The following TMEM53 variants were observed in gnomAD, a reference collection of about 807,000 sequenced individuals.
TMEM53 encodes transmembrane protein 53.
Under a neutral mutation model 21.4 loss-of-function variants are expected in TMEM53, and 14 were observed. The observed-to-expected ratio is 0.65, with a 90% CI of 0.43 to 1.02. The LOEUF (loss-of-function observed/expected upper bound fraction) is 1.02, where lower values mean the gene tolerates loss of function less well. TMEM53 is among the 50% of genes least tolerant of loss of function. The pLI is 0.00. For synonymous variants in TMEM53, 148 were observed against 157.4 expected (o/e 0.94, Z 0.45); for missense variants, 323 against 383.6 (o/e 0.84, Z 1.32).
At chr1:44,656,540 A>G (rs768515678) in intron 2 of TMEM53, among the ~76,000 whole-genome samples, 1 of 152,078 alleles carries the variant, frequency 6.6e-6, no homozygotes, top group Non-Finnish European at 1.5e-5. Context: ...CATTCTCCCA[A>G]ATGCTCAAAT....
intron 1 of TMEM53, among the ~76,000 whole-genome samples, chr1:44,667,880 C>G (rs1049943172): frequency 6.6e-6 from 1 of 152,114 alleles, no homozygotes; most frequent in African/African-American, 2.4e-5. Flanking sequence ...TTCTCGAGTA[C>G]CCCACAAAGC....
rs532240508 is a variant in TMEM53, at chr1:44,663,194, C to A, written c.62-2899G>T. 8.5e-5 allele frequency among the ~76,000 whole-genome samples: 13 copies of A among 152,344 alleles called. No individual in the cohort carries two copies. In the East Asian group the frequency reaches 2.1e-3, roughly 25 times the overall value. ...TCTGACTTCTGAGTAGTTGGGACCACAGGCACGTGCCACCATGGCCCGGCT... is the reference window on the plus strand; with the variant it reads ...TCTGACTTCTGAGTAGTTGGGACCAAAGGCACGTGCCACCATGGCCCGGCT... On this transcript the variant is annotated intron_variant, in intron 1 of 2. Transcript: ENST00000372237.
Position 44,660,515 on chromosome 1 carries a change from GC to G in TMEM53, c.62-221del, listed in dbSNP as rs1266644624. On this transcript the variant is annotated intron_variant, in intron 1 of 2. Transcript: ENST00000372237. ...GGTCACCGGACAAACCAACACAAGG[GC>G]ACCTTTCTTTAGAGACTCGAAGACA... Among the ~76,000 whole-genome samples the G allele has an allele frequency of 2.6e-5, 4 of 152,302 alleles. No homozygotes were observed. In the East Asian group the frequency reaches 7.7e-4, roughly 29 times the overall value.
intron 1 of TMEM53, among the ~76,000 whole-genome samples, chr1:44,665,612 G>A (rs1234760982): frequency 6.8e-6 from 1 of 147,774 alleles, no homozygotes; most frequent in African/African-American, 2.5e-5. Flanking sequence ...TCCAGCCAGG[G>A]CAACAAGAGC....
chr1:44,671,648 G>C (rs970417482), intron 1 of TMEM53, among the ~76,000 whole-genome samples: 2 of 152,212 alleles, frequency 1.3e-5, no homozygotes, highest in Non-Finnish European at 2.9e-5. Context: ...GTTTTTAAAG[G>C]CTGGGCACAG....
intron 2 of TMEM53, among the ~76,000 whole-genome samples, chr1:44,658,608 T>C (rs951480820): frequency 6.6e-6 from 1 of 152,126 alleles, no homozygotes; most frequent in African/African-American, 2.4e-5. Flanking sequence ...TAGAGTGCAG[T>C]GGTGCGACTT....
In TMEM53 at chr1:44,655,201, G is replaced by A. The variant is rs201636559; in HGVS notation, c.192C>T (p.Ile64=). The change falls in exon 3 of 3, where the codon ATC becomes ATT. Residue 64 remains isoleucine, a synonymous_variant. Coordinates refer to ENST00000372237, the MANE Select transcript of TMEM53 (RefSeq NM_024587.4). This position sits in a 1 kb window ranked among gnomAD's most constrained non-coding sequence, Gnocchi z 4.4. ...GCCACGGGGCTGTGTATCGGATTAC[G>A]ATGCAGCCCTGGGGAGAGAGGCCTG... The part of the protein sequence containing the change: ...YSAIYHKRGC[I]VIRYTAPWHM... 4.9e-5 allele frequency: 79 copies of A among 1,603,742 alleles called. No individual in the cohort carries two copies. Among genetic ancestry groups the A allele is most frequent in the Admixed American group, 4.6e-4 (27 of 59,218 alleles).
intron 2 of TMEM53, among the ~76,000 whole-genome samples, chr1:44,659,961 C>A (rs902489121): frequency 4.0e-5 from 6 of 150,378 alleles, no homozygotes; most frequent in Non-Finnish European, 7.4e-5. Context: ...TGGGCTCAAG[C>A]GATTCTCCTG....
At chr1:44,672,527 A>G (rs3889696) in intron 1 of TMEM53, among the ~76,000 whole-genome samples, 41,105 of 152,190 alleles carry the variant, frequency 0.27, 7,218 homozygotes, top group Middle Eastern at 0.41. Flanking sequence ...TTGTGGCTCA[A>G]GAAAGGGAAG....
In TMEM53 at chr1:44,654,748, G is replaced by A. The variant is rs1176426958; in HGVS notation, c.645C>T (p.Leu215=). The A allele has an allele frequency of 6.2e-7, 1 of 1,614,024 alleles. No individual in the cohort carries two copies. Among genetic ancestry groups the A allele is most frequent in the African/African-American group, 1.3e-5 (1 of 74,940 alleles). ...DAGSRWPELY[L]YSRADEVVLA... ...GGACTACTTCGTCAGCCCTCGAGTA[G>A]AGGTAGAGCTCGGGCCAGCGAGAGC... Residue 215 remains leucine, a synonymous_variant, in exon 3 of 3, where the codon CTC becomes CTT. Transcript: ENST00000372237. This position sits in a 1 kb window ranked among gnomAD's most constrained non-coding sequence, Gnocchi z 7.0.
rs1436152348 is a variant in TMEM53, at chr1:44,668,377, C to T, written c.61+5954G>A. On this transcript the variant is annotated intron_variant, in intron 1 of 2. Transcript: ENST00000372237. Reference sequence around the variant, plus strand: ...AATGGCGTGAACCCAGAGCTGAGATCGCACCACTGCACTCCAGCCTGGGCG... The same window carrying T: ...AATGGCGTGAACCCAGAGCTGAGATTGCACCACTGCACTCCAGCCTGGGCG... Among the ~76,000 whole-genome samples the T allele has an allele frequency of 2.6e-5, 4 of 151,888 alleles. No individual in the cohort carries two copies. The East Asian group carries it at 7.7e-4, about 29-fold the overall frequency.
At chr1:44,664,606 C>A (rs1644931857) in intron 1 of TMEM53, among the ~76,000 whole-genome samples, 1 of 152,124 alleles carries the variant, frequency 6.6e-6, no homozygotes, top group Non-Finnish European at 1.5e-5. Flanking sequence ...ACTCTAAAGA[C>A]CAGCTTGTAT....
chr1:44,671,886 G>C (rs927873974), intron 1 of TMEM53, among the ~76,000 whole-genome samples: 3 of 152,196 alleles, frequency 2.0e-5, no homozygotes, highest in Non-Finnish European at 4.4e-5. Flanking sequence ...CTGAGATCGT[G>C]CCACTGCACT....
At position 44,654,395 on chromosome 1, in the gene TMEM53, C is replaced by T. The variant is rs1644827532; in HGVS notation, c.*164G>A. The T allele has an allele frequency of 7.9e-6, 6 of 762,536 alleles. No individual in the cohort carries two copies. The highest frequency in any genetic ancestry group is 1.3e-5 in the Non-Finnish European group (6 of 476,810). The allele number at this position is 762,536 out of a possible 1,614,324, so 47.2% of individuals were successfully genotyped here. On this transcript the variant is annotated 3_prime_UTR_variant, in exon 3 of 3. Transcript: ENST00000372237. The surrounding 1 kb of genome is among the most constrained non-coding windows in gnomAD (Gnocchi z 7.0). ...CTGTGGTAAGCAGACCACCAGCAGA[C>T]AGAGGCCCCCAGGAGACAGGCCCAT... is the stretch of plus-strand genomic sequence containing the variant.
At chr1:44,669,154 G>C (rs1366280606) in intron 1 of TMEM53, among the ~76,000 whole-genome samples, 1 of 152,170 alleles carries the variant, frequency 6.6e-6, no homozygotes, top group Non-Finnish European at 1.5e-5. Context: ...TGTAGAAAAA[G>C]TAGAAAATGA....
intron 1 of TMEM53, among the ~76,000 whole-genome samples, chr1:44,670,972 T>G (rs1156769980): frequency 2.0e-5 from 3 of 152,210 alleles, no homozygotes; most frequent in African/African-American, 7.2e-5. Context: ...GCCTGGGATG[T>G]CAGAGCAGCT....
Position 44,654,873 on chromosome 1 carries a change from G to A in TMEM53, c.520C>T (p.Leu174=), listed in dbSNP as rs1211895931. The A allele has an allele frequency of 6.2e-7, 1 of 1,612,636 alleles. No homozygotes were observed. ...ACGACCACCAGGGCAAAGGCCACCA[G>A]CAGCAACAGGCGCAGCATGGCGGCC... The part of the protein sequence containing the change: ...RRAAMLRLLL[L]VAFALVVVLF... Residue 174 remains leucine, a synonymous_variant, in exon 3 of 3, where the codon CTG becomes TTG. Coordinates refer to ENST00000372237, the MANE Select transcript of TMEM53 (RefSeq NM_024587.4). This position sits in a 1 kb window ranked among gnomAD's most constrained non-coding sequence, Gnocchi z 7.0.
At chr1:44,665,710 G>T (rs191136028) in intron 1 of TMEM53, among the ~76,000 whole-genome samples, 2 of 151,330 alleles carry the variant, frequency 1.3e-5, no homozygotes. Context: ...AAATCATGGA[G>T]AAATATTCAA....
At chr1:44,663,326 C>T (rs906010631) in intron 1 of TMEM53, among the ~76,000 whole-genome samples, 42 of 152,182 alleles carry the variant, frequency 2.8e-4, no homozygotes, top group African/African-American at 9.9e-4. Context: ...CTGCAACCTC[C>T]GCCCCCTGGG....
Sources: allele counts gnomAD v4.1 joint callset (sites outside exome capture counted in the v4.1 genomes callset), GRCh38; gene constraint gnomAD v4.1.1; non-coding constraint Gnocchi (gnomAD v3.1); transcripts MANE v1.5; gene names NCBI Gene and HGNC (gene_info 2026-07-23, HGNC 2026-07-21).